Variants in CNTNAP2 observed in about 807,000 individuals in gnomAD.
CNTNAP2 encodes contactin associated protein 2.
A neutral mutation model predicts 155.2 loss-of-function variants in CNTNAP2; 98 were observed. That is an observed-to-expected ratio of 0.63 (90% confidence interval 0.54 to 0.75). CNTNAP2 has a LOEUF of 0.75. Among genes scored for constraint, CNTNAP2 ranks in the 30% least tolerant of loss-of-function variants. The probability of loss-of-function intolerance (pLI) is 0.00; values close to 1 mark genes in which losing one functional copy is unlikely to be tolerated. For synonymous variants in CNTNAP2, 651 were observed against 631.2 expected, an observed-to-expected ratio of 1.03 and a Z score of -0.47; for missense variants, 1,727 against 1,688.1, an observed-to-expected ratio of 1.02 and a Z score of -0.40.
chr7:146,911,157 C>A (rs1475376331), intron 3 of CNTNAP2, among the ~76,000 whole-genome samples: 2 of 151,792 alleles, frequency 1.3e-5, no homozygotes, highest in Non-Finnish European at 2.9e-5. Flanking sequence ...CAGGATACAA[C>A]AGGTGCTGGA....
At chr7:147,432,769 C>G (rs531307615) in intron 10 of CNTNAP2, among the ~76,000 whole-genome samples, 6 of 152,138 alleles carry the variant, frequency 3.9e-5, no homozygotes, top group African/African-American at 1.4e-4. Flanking sequence ...TCACTTAACC[C>G]CCCTTCATCC....
rs1471281860 is a variant in CNTNAP2 at position 146,839,614 on chromosome 7, G to C, written c.209-97G>C. On this transcript the variant is annotated intron_variant, in intron 2 of 23. Transcript: ENST00000361727. The stretch of plus-strand genomic sequence containing the variant: ...TAATATATCTGTGAAATAGAGCACT[G>C]CCAAGACCAATTAAGATATGTAGAA... The C allele has an allele frequency of 3.0e-6, 4 of 1,339,520 alleles. No homozygotes were observed. In the African/African-American group the frequency reaches 5.8e-5, roughly 19 times the overall value. 83.0% of individuals were successfully genotyped at this position (1,339,520 alleles called of 1,614,324 possible).
intron 1 of CNTNAP2, among the ~76,000 whole-genome samples, chr7:146,558,015 C>T (rs575633207): frequency 3.1e-4 from 47 of 152,168 alleles, no homozygotes; most frequent in Non-Finnish European, 5.6e-4. Context: ...AATTAAGTCT[C>T]AACCTTTGTG....
chr7:148,113,745 C>T (rs576454334), intron 15 of CNTNAP2, among the ~76,000 whole-genome samples: 133 of 152,204 alleles, frequency 8.7e-4, no homozygotes, highest in Non-Finnish European at 1.6e-3. Context: ...GCCTAACATG[C>T]AGTCACAAAG....
intron 12 of CNTNAP2, among the ~76,000 whole-genome samples, chr7:147,585,325 A>T (rs1800596238): frequency 6.6e-6 from 1 of 151,660 alleles, no homozygotes; most frequent in Non-Finnish European, 1.5e-5. Context: ...GTTCTAATTT[A>T]AAAAACAATA....
intron 3 of CNTNAP2, among the ~76,000 whole-genome samples, chr7:146,855,807 G>GTATATATATATATA (rs367900395): frequency 9.0e-6 from 1 of 111,020 alleles, no homozygotes; most frequent in Non-Finnish European, 1.9e-5. Flanking sequence ...GTGTTAATGA[G>GTATATATATATATA]TATATATATA....
intron 1 of CNTNAP2, among the ~76,000 whole-genome samples, chr7:146,733,729 A>G (rs1415195251): frequency 1.3e-5 from 2 of 152,110 alleles, no homozygotes; most frequent in African/African-American, 4.8e-5. Flanking sequence ...GAGGAAAAGG[A>G]AGAGAGAAAA....
At chr7:146,634,423 A>T (rs1036851942) in intron 1 of CNTNAP2, among the ~76,000 whole-genome samples, 5 of 152,202 alleles carry the variant, frequency 3.3e-5, no homozygotes, top group Admixed American at 3.3e-4. Flanking sequence ...TCTCTCCATC[A>T]TTCCAAGTGC....
chr7:147,380,950 A>G (rs1350853754), intron 9 of CNTNAP2, among the ~76,000 whole-genome samples: 2 of 152,156 alleles, frequency 1.3e-5, no homozygotes, highest in East Asian at 1.9e-4. Flanking sequence ...AAATGACAAT[A>G]TAGACGAGAC....
chr7:146,811,579 A>C (rs910526797), intron 2 of CNTNAP2, among the ~76,000 whole-genome samples: 1 of 151,752 alleles, frequency 6.6e-6, no homozygotes, highest in African/African-American at 2.4e-5. Context: ...TTTCAAAAAA[A>C]CTCAGTTTCA....
chr7:147,389,232 T>G (rs1796670448), intron 9 of CNTNAP2, among the ~76,000 whole-genome samples: 1 of 152,202 alleles, frequency 6.6e-6, no homozygotes, highest in Non-Finnish European at 1.5e-5. Context: ...GTAGATATTT[T>G]GTGCAATCTG....
In CNTNAP2 at chr7:146,564,979, C is replaced by T. The variant is rs150484921; in HGVS notation, c.98-209292C>T. Among the ~76,000 whole-genome samples the T allele has an allele frequency of 2.6e-3, 397 of 152,106 alleles. 2 individuals carry two copies. Among genetic ancestry groups the T allele is most frequent in the African/African-American group, 9.2e-3 (382 of 41,504 alleles). On this transcript the variant is annotated intron_variant, in intron 1 of 23. Coordinates refer to ENST00000361727, the MANE Select transcript of CNTNAP2 (RefSeq NM_014141.6). ...CACGTGGCTAGGAGTTTACCCAAAG[C>T]CTAAACTTAGGTCTTCTGATTTCTA...
intron 8 of CNTNAP2, among the ~76,000 whole-genome samples, chr7:147,211,643 AAAAGTTAACT>A (rs1803148669): frequency 6.6e-6 from 1 of 152,118 alleles, no homozygotes; most frequent in Non-Finnish European, 1.5e-5. Flanking sequence ...CACCATATAC[AAAAGTTAACT>A]AAAGATAGAT....
At chr7:146,195,639 G>A (rs1798764474) in intron 1 of CNTNAP2, among the ~76,000 whole-genome samples, 1 of 152,128 alleles carries the variant, frequency 6.6e-6, no homozygotes, top group Non-Finnish European at 1.5e-5. Context: ...GGTGCAAACT[G>A]CTAAACTAAG....
intron 13 of CNTNAP2, among the ~76,000 whole-genome samples, chr7:147,772,521 T>A (rs1464767924): frequency 6.9e-6 from 1 of 145,846 alleles, no homozygotes; most frequent in Non-Finnish European, 1.5e-5. Flanking sequence ...AGGTGATTTT[T>A]TTCCTTTTGC....
chr7:146,759,653 C>G (rs999604753), intron 1 of CNTNAP2, among the ~76,000 whole-genome samples: 2 of 131,992 alleles, frequency 1.5e-5, no homozygotes, highest in South Asian at 4.7e-4. Flanking sequence ...CGCCACAGCA[C>G]TCCATCCTGG....
intron 14 of CNTNAP2, among the ~76,000 whole-genome samples, chr7:147,964,108 T>C (rs1282967155): frequency 6.6e-6 from 1 of 151,926 alleles, no homozygotes; most frequent in African/African-American, 2.4e-5. Flanking sequence ...CCCTTATAAG[T>C]AGAGGAAGAA....
intron 1 of CNTNAP2, among the ~76,000 whole-genome samples, chr7:146,416,813 A>G (rs1303241426): frequency 1.3e-5 from 2 of 152,106 alleles, no homozygotes; most frequent in Non-Finnish European, 2.9e-5. Flanking sequence ...TTTACCACTT[A>G]TATTTGGTGT....
intron 13 of CNTNAP2, among the ~76,000 whole-genome samples, chr7:147,718,918 C>A (rs986974540): frequency 6.6e-6 from 1 of 152,034 alleles, no homozygotes; most frequent in Admixed American, 6.6e-5. Flanking sequence ...ATTACTATTG[C>A]ACTGAGACAT....
Sources: gnomAD v4.1 joint callset for allele counts (sites outside exome capture counted in the v4.1 genomes callset) on GRCh38, gnomAD v4.1.1 for gene constraint, MANE v1.5 for transcripts, NCBI Gene and HGNC (gene_info 2026-07-23, HGNC 2026-07-21) for gene names.